Variants in RALYL observed in about 807,000 individuals in gnomAD.
RALYL encodes the protein RNA-binding Raly-like protein.
In RALYL, 29 loss-of-function variants were observed where a neutral mutation model predicts 35.1. The ratio of observed to expected loss-of-function variants is 0.83; its 90% confidence interval spans 0.61 to 1.13. The LOEUF (loss-of-function observed/expected upper bound fraction) is 1.13, where lower values mean the gene tolerates loss of function less well. RALYL is among the 50% of genes most tolerant of loss of function. The probability of loss-of-function intolerance (pLI) is 0.00; values close to 1 mark genes in which losing one functional copy is unlikely to be tolerated. For missense variants in RALYL, 359 were observed against 360.4 expected (o/e 1.00, Z 0.03); for synonymous variants, 120 against 127.6 (o/e 0.94, Z 0.40).
chr8:84,290,712 A>G (rs1014986309), intron 1 of RALYL, among the ~76,000 whole-genome samples: 2 of 152,178 alleles, frequency 1.3e-5, no homozygotes, highest in Non-Finnish European at 2.9e-5. Context: ...CCTGCAAGTC[A>G]CAGGGGATGC....
At chr8:84,392,233 C>G (rs1024644117) in intron 1 of RALYL, among the ~76,000 whole-genome samples, 23 of 152,070 alleles carry the variant, frequency 1.5e-4, no homozygotes, top group African/African-American at 5.5e-4. Context: ...TTATTTTTCT[C>G]TTACTGCTCA....
intron 1 of RALYL, among the ~76,000 whole-genome samples, chr8:84,248,931 CTTGA>C (rs997138470): frequency 6.6e-6 from 1 of 151,910 alleles, no homozygotes; most frequent in Non-Finnish European, 1.5e-5. Flanking sequence ...AATTATCCAG[CTTGA>C]TTATGTCAAG....
intron 1 of RALYL, among the ~76,000 whole-genome samples, chr8:84,292,619 C>T (rs1838977371): frequency 6.6e-6 from 1 of 152,028 alleles, no homozygotes; most frequent in African/African-American, 2.4e-5. Context: ...TGGCCAAAAC[C>T]CACCAAAACC....
chr8:84,379,713 G>C (rs576295444), intron 1 of RALYL, among the ~76,000 whole-genome samples: 6 of 151,594 alleles, frequency 4.0e-5, no homozygotes, highest in African/African-American at 1.4e-4. Context: ...AAATGTAAAA[G>C]CATCCAAACA....
At chr8:84,763,387 CTAAA>C (rs1414245817) in intron 2 of RALYL, among the ~76,000 whole-genome samples, 1 of 152,094 alleles carries the variant, frequency 6.6e-6, no homozygotes, top group African/African-American at 2.4e-5. Flanking sequence ...AAGTATGAAA[CTAAA>C]TAAACTCTTG....
intron 8 of RALYL, among the ~76,000 whole-genome samples, chr8:84,912,277 G>A (rs1847632184): frequency 6.6e-6 from 1 of 151,982 alleles, no homozygotes; most frequent in Non-Finnish European, 1.5e-5. Flanking sequence ...ATATTATAAT[G>A]AAAGATGCTC....
intron 2 of RALYL, among the ~76,000 whole-genome samples, chr8:84,543,268 T>G (rs985177740): frequency 1.0e-4 from 15 of 150,350 alleles, no homozygotes; most frequent in Non-Finnish European, 5.9e-5. Flanking sequence ...TTTTTTATTG[T>G]TTTTTTTTGC....
chr8:84,717,724 C>A (rs1843176202), intron 2 of RALYL, among the ~76,000 whole-genome samples: 1 of 152,166 alleles, frequency 6.6e-6, no homozygotes, highest in South Asian at 2.1e-4. Context: ...ATAAGATGCA[C>A]TACAATGGTA....
chr8:84,432,861 C>A (rs367677903), intron 1 of RALYL, among the ~76,000 whole-genome samples: 1 of 152,094 alleles, frequency 6.6e-6, no homozygotes, highest in African/African-American at 2.4e-5. Context: ...TCACAGGGAG[C>A]ATGGCCCTAC....
intron 1 of RALYL, among the ~76,000 whole-genome samples, chr8:84,191,621 G>T (rs1311965930): frequency 2.0e-5 from 3 of 152,136 alleles, no homozygotes; most frequent in Non-Finnish European, 4.4e-5. Context: ...GACAAATAAG[G>T]CTGTATCATT....
At chr8:84,835,395 C>T (rs763664965) in intron 4 of RALYL, among the ~76,000 whole-genome samples, 13 of 150,128 alleles carry the variant, frequency 8.7e-5, no homozygotes, top group African/African-American at 1.2e-4. Flanking sequence ...TGGCTGGGCA[C>T]GGGGGCTCAC....
intron 2 of RALYL, among the ~76,000 whole-genome samples, chr8:84,567,265 C>T (rs1588218746): frequency 6.6e-6 from 1 of 151,882 alleles, no homozygotes; most frequent in East Asian, 1.9e-4. Context: ...ATGTTCATTA[C>T]ATGGGTATAT....
chr8:84,588,669 C>T (rs2130456466), intron 2 of RALYL, among the ~76,000 whole-genome samples: 1 of 152,182 alleles, frequency 6.6e-6, no homozygotes, highest in Admixed American at 6.5e-5. Flanking sequence ...ACTGCATTGA[C>T]CCTGGAAAAA....
At chr8:84,783,926 A>G (rs757764070) in intron 3 of RALYL, among the ~76,000 whole-genome samples, 10 of 152,238 alleles carry the variant, frequency 6.6e-5, no homozygotes, top group Non-Finnish European at 1.2e-4. Context: ...CAGGAAGTCT[A>G]AAAGCTAGGG....
At chr8:84,486,206 G>A (rs551610145) in intron 1 of RALYL, among the ~76,000 whole-genome samples, 436 of 150,026 alleles carry the variant, frequency 2.9e-3, no homozygotes, top group Middle Eastern at 7.0e-3. Flanking sequence ...TAATAATAAT[G>A]AAATAAGTAA....
intron 2 of RALYL, among the ~76,000 whole-genome samples, chr8:84,534,797 A>C (rs1208476144): frequency 6.6e-6 from 1 of 152,226 alleles, no homozygotes; most frequent in Non-Finnish European, 1.5e-5. Context: ...AGCGAAGGCA[A>C]AGTGATCATG....
intron 2 of RALYL, among the ~76,000 whole-genome samples, chr8:84,695,299 T>A (rs1254405759): frequency 6.6e-6 from 1 of 151,748 alleles, no homozygotes. Context: ...TATAATATCC[T>A]CTAAGACATA....
intron 1 of RALYL, among the ~76,000 whole-genome samples, chr8:84,231,694 A>G (rs1825396810): frequency 6.6e-6 from 1 of 152,208 alleles, no homozygotes; most frequent in Admixed American, 6.5e-5. Flanking sequence ...TTTAAGTTAC[A>G]TGTTTACATC....
chr8:84,587,556 G>T (rs1055863884), intron 2 of RALYL, among the ~76,000 whole-genome samples: 1 of 152,134 alleles, frequency 6.6e-6, no homozygotes, highest in African/African-American at 2.4e-5. Context: ...CCCCAGATAA[G>T]AGTTATTCTA....
Sources: allele counts gnomAD v4.1 joint callset (sites outside exome capture counted in the v4.1 genomes callset), GRCh38; gene constraint gnomAD v4.1.1; transcripts MANE v1.5; gene names NCBI Gene and HGNC (gene_info 2026-07-23, HGNC 2026-07-21).